Variants in ANO6 observed in about 807,000 individuals in gnomAD.
ANO6 encodes the protein anoctamin-6.
A neutral mutation model predicts 117.5 loss-of-function variants in ANO6; 106 were observed. The ratio of observed to expected loss-of-function variants is 0.90; its 90% CI spans 0.77 to 1.06. The LOEUF (loss-of-function observed/expected upper bound fraction) is 1.06, where lower values mean the gene tolerates loss of function less well. Among genes scored for constraint, ANO6 ranks in the 50% least tolerant of loss-of-function variants. ANO6 has a pLI of 0.00. For synonymous variants in ANO6, 367 were observed against 385.1 expected, an observed-to-expected ratio of 0.95 and a Z score of 0.55; for missense variants, 955 against 1,121.1, an observed-to-expected ratio of 0.85 and a Z score of 2.12.
At chr12:45,249,640 G>A (rs927054513) in intron 1 of ANO6, among the ~76,000 whole-genome samples, 3 of 152,088 alleles carry the variant, frequency 2.0e-5, no homozygotes, top group African/African-American at 7.2e-5. Context: ...TGAAGAGAGA[G>A]CCATCAGATA....
At chr12:45,335,133 T>C (rs1022445512) in intron 3 of ANO6, among the ~76,000 whole-genome samples, 4 of 152,074 alleles carry the variant, frequency 2.6e-5, no homozygotes, top group African/African-American at 9.7e-5. Context: ...AGTTTATATA[T>C]GGAAGTATAT....
intron 2 of ANO6, among the ~76,000 whole-genome samples, chr12:45,315,752 T>G (rs368242472): frequency 6.6e-6 from 1 of 152,200 alleles, no homozygotes; most frequent in East Asian, 1.9e-4. Context: ...TCTCTTCCAG[T>G]TCTCTGAATG....
At chr12:45,216,986 A>G (rs1319130511) in intron 1 of ANO6, among the ~76,000 whole-genome samples, 1 of 152,182 alleles carries the variant, frequency 6.6e-6, no homozygotes, top group Non-Finnish European at 1.5e-5. Context: ...GAATTCCCCC[A>G]GGCAGGGAGG....
chr12:45,312,001 G>A (rs1370630512), intron 2 of ANO6, among the ~76,000 whole-genome samples: 1 of 151,930 alleles, frequency 6.6e-6, no homozygotes, highest in African/African-American at 2.4e-5. Flanking sequence ...ATATAACAGT[G>A]TTCATTCTAC....
chr12:45,301,518 G>A (rs1363532549), intron 1 of ANO6, among the ~76,000 whole-genome samples: 1 of 151,924 alleles, frequency 6.6e-6, no homozygotes, highest in Non-Finnish European at 1.5e-5. Flanking sequence ...TTGGGAGACT[G>A]AGGTGGGAGG....
chr12:45,228,021 G>A, intron 1 of ANO6: 1 of 219,312 alleles, frequency 4.6e-6, no homozygotes, highest in Non-Finnish European at 9.5e-6. Flanking sequence ...GATCCTAGGG[G>A]CTGACACACA....
intron 4 of ANO6, 152 bp downstream of exon 4, chr12:45,347,239 T>A: frequency 1.4e-6 from 1 of 702,004 alleles, no homozygotes. Context: ...CTGCATTGTG[T>A]AGGATGTATT....
chr12:45,401,776 GTGTT>G lies in ANO6; in HGVS notation c.1387-14_1387-11del. 1 of 1,596,930 alleles carries G rather than the reference GTGTT, an allele frequency of 6.3e-7. No individual in the cohort carries two copies. Among genetic ancestry groups the G allele is most frequent in the South Asian group, 1.1e-5 (1 of 90,688 alleles). ...AGTTATTGGTGAGTCTCATGCTACT[GTGTT>G]TGTTGTGCTTTCAGATCCTATTGAT... On this transcript the variant is annotated splice_polypyrimidine_tract_variant and intron_variant, in intron 12 of 19. Coordinates refer to ENST00000320560, the MANE Select transcript of ANO6 (RefSeq NM_001025356.3).
chr12:45,278,257 C>G (rs10880766), intron 1 of ANO6, among the ~76,000 whole-genome samples: 8,241 of 152,180 alleles, frequency 0.054, 530 homozygotes, highest in East Asian at 0.34. Flanking sequence ...GTGCCCAACC[C>G]CCAACTCCAT....
intron 8 of ANO6, among the ~76,000 whole-genome samples, chr12:45,367,474 T>A (rs185359696): frequency 2.8e-4 from 42 of 152,336 alleles, no homozygotes; most frequent in African/African-American, 7.7e-4. Flanking sequence ...AATCTTTTGC[T>A]TTATTCCTGA....
intron 1 of ANO6, among the ~76,000 whole-genome samples, chr12:45,247,443 A>G (rs1947842472): frequency 6.6e-6 from 1 of 152,216 alleles, no homozygotes; most frequent in African/African-American, 2.4e-5. Flanking sequence ...AGGATCAGAA[A>G]AGTAATTTGC....
At chr12:45,264,190 A>C (rs1938139327) in intron 1 of ANO6, among the ~76,000 whole-genome samples, 1 of 152,184 alleles carries the variant, frequency 6.6e-6, no homozygotes. Flanking sequence ...CTCTCCTTAA[A>C]GGAATTTTTT....
At chr12:45,216,494 C>T (rs1352782833) in intron 1 of ANO6, 103 bp downstream of exon 1, 12 of 1,341,656 alleles carry the variant, frequency 8.9e-6, no homozygotes, top group African/African-American at 1.5e-5. Flanking sequence ...GGGAGGTTGG[C>T]CGAGACGCTC....
chr12:45,316,882 G>A (rs1204555297), intron 2 of ANO6, among the ~76,000 whole-genome samples: 5 of 149,254 alleles, frequency 3.3e-5, no homozygotes, highest in Non-Finnish European at 7.4e-5. Context: ...AAATAGAAAA[G>A]TATCGACCTC....
intron 15 of ANO6, among the ~76,000 whole-genome samples, chr12:45,403,767 T>C (rs973084615): frequency 6.6e-6 from 1 of 152,190 alleles, no homozygotes; most frequent in Admixed American, 6.5e-5. Context: ...TTAATGTAAA[T>C]CCCCATCTGC....
chr12:45,389,640 T>C (rs1415129840), intron 11 of ANO6, among the ~76,000 whole-genome samples: 2 of 152,234 alleles, frequency 1.3e-5, no homozygotes, highest in Non-Finnish European at 2.9e-5. Context: ...TAGAGAGGCC[T>C]ATAGTGTGAT....
At chr12:45,262,670 C>T (rs745882135) in intron 1 of ANO6, among the ~76,000 whole-genome samples, 17 of 152,106 alleles carry the variant, frequency 1.1e-4, no homozygotes, top group African/African-American at 3.9e-4. Flanking sequence ...GTGATCTGCC[C>T]GGCTCGGCCT....
intron 7 of ANO6, among the ~76,000 whole-genome samples, chr12:45,356,998 T>C (rs1941428644): frequency 6.6e-6 from 1 of 152,230 alleles, no homozygotes. Flanking sequence ...CAAAGAATGA[T>C]AGTAATACTC....
chr12:45,226,627 G>A (rs961502506), intron 1 of ANO6, among the ~76,000 whole-genome samples: 1 of 152,008 alleles, frequency 6.6e-6, no homozygotes, highest in Admixed American at 6.6e-5. Flanking sequence ...TGTGATTTCT[G>A]TAGACATTCT....
Sources: allele counts gnomAD v4.1 joint callset (sites outside exome capture counted in the v4.1 genomes callset), GRCh38; gene constraint gnomAD v4.1.1; transcripts MANE v1.5; gene names NCBI Gene and HGNC (gene_info 2026-07-23, HGNC 2026-07-21).